Variants in XYLT1 observed in about 807,000 individuals in gnomAD.
XYLT1 encodes the protein beta-D-xylosyltransferase 1.
Under a neutral mutation model 91.3 loss-of-function variants are expected in XYLT1, and 36 were observed. The ratio of observed to expected loss-of-function variants is 0.39; its 90% CI spans 0.30 to 0.52. XYLT1 has a LOEUF of 0.52. Among genes scored for constraint, XYLT1 ranks in the 20% least tolerant of loss-of-function variants. The pLI is 0.68. For synonymous variants in XYLT1, 588 were observed against 532.0 expected (o/e 1.11, Z -1.45); for missense variants, 1,242 against 1,284.5 (o/e 0.97, Z 0.51).
intron 5 of XYLT1, among the ~76,000 whole-genome samples, chr16:17,175,233 A>T (rs1466321): frequency 0.25 from 37,814 of 152,048 alleles, 5,136 homozygotes; most frequent in South Asian, 0.47. Context: ...CCTAATCCTC[A>T]CAACCCCCCT....
At chr16:17,231,948 T>TA (rs916167765) in intron 3 of XYLT1, among the ~76,000 whole-genome samples, 32 of 151,312 alleles carry the variant, frequency 2.1e-4, no homozygotes, top group African/African-American at 7.5e-4. Flanking sequence ...ACTCAATTTA[T>TA]AAAAAAATAA....
At chr16:17,317,769 A>G (rs1368879324) in intron 2 of XYLT1, among the ~76,000 whole-genome samples, 1 of 151,238 alleles carries the variant, frequency 6.6e-6, no homozygotes, top group East Asian at 2.0e-4. Context: ...ATAGCCTATG[A>G]TGTCCTACAG....
chr16:17,129,076 A>G (rs1341094534), intron 9 of XYLT1, among the ~76,000 whole-genome samples: 265 of 107,826 alleles, frequency 2.5e-3, no homozygotes, highest in African/African-American at 8.4e-3. Flanking sequence ...AGCATAGAAA[A>G]AAAAAAAAAA....
chr16:17,294,762 CAAG>C (rs2034285129), intron 2 of XYLT1, among the ~76,000 whole-genome samples: 1 of 152,074 alleles, frequency 6.6e-6, no homozygotes, highest in Non-Finnish European at 1.5e-5. Context: ...CAGCTCTGGG[CAAG>C]AAGGATCTGA....
chr16:17,173,578 A>C (rs1240132071), intron 5 of XYLT1, among the ~76,000 whole-genome samples: 1 of 152,268 alleles, frequency 6.6e-6, no homozygotes, highest in East Asian at 1.9e-4. Flanking sequence ...ATAGTTGCTC[A>C]ATGCACACAG....
intron 1 of XYLT1, among the ~76,000 whole-genome samples, chr16:17,379,473 T>C (rs1195864348): frequency 3.9e-5 from 6 of 152,102 alleles, no homozygotes; most frequent in Non-Finnish European, 8.8e-5. Context: ...CAAACTGGAA[T>C]GGCATGAAAA....
intron 10 of XYLT1, among the ~76,000 whole-genome samples, chr16:17,119,565 C>T (rs542689027): frequency 6.6e-6 from 1 of 152,322 alleles, no homozygotes; most frequent in South Asian, 2.1e-4. Flanking sequence ...GCAAGAGGTA[C>T]TATGTCAGTC....
At position 17,121,025 on chromosome 16, in the gene XYLT1, G is replaced by A. The variant is rs766175272; in HGVS notation, c.2224-3046C>T. Among the ~76,000 whole-genome samples, 5 of 152,140 alleles carry A rather than the reference G, an allele frequency of 3.3e-5. No homozygotes were observed. In the South Asian group the frequency reaches 8.3e-4, roughly 25 times the overall value. On this transcript the variant is annotated intron_variant, in intron 10 of 11. Transcript: ENST00000261381. ...TCTGTCTGTCTGTTAATCAATCTAT[G>A]TATCACCTGTCTATCAATCTATCTT... is the stretch of plus-strand genomic sequence containing the variant.
intron 1 of XYLT1, 52 bp downstream of exon 1, chr16:17,470,382 G>A (rs1048568483): frequency 3.7e-5 from 45 of 1,214,516 alleles, no homozygotes; most frequent in Admixed American, 3.5e-4. Context: ...GTGGGGTCGG[G>A]CTGCCTTCCT....
chr16:17,356,430 G>A (rs1329562566), intron 2 of XYLT1, among the ~76,000 whole-genome samples: 1 of 152,134 alleles, frequency 6.6e-6, no homozygotes, highest in African/African-American at 2.4e-5. Flanking sequence ...CGCCTGGTCA[G>A]CCCTGGGGCC....
At chr16:17,353,912 G>A (rs1020852449) in intron 2 of XYLT1, among the ~76,000 whole-genome samples, 5 of 152,186 alleles carry the variant, frequency 3.3e-5, no homozygotes, top group African/African-American at 1.2e-4. Flanking sequence ...TGCTTCCTGT[G>A]TGACCCTGGG....
intron 3 of XYLT1, among the ~76,000 whole-genome samples, chr16:17,223,588 G>A (rs950804255): frequency 1.3e-5 from 2 of 152,250 alleles, no homozygotes; most frequent in Non-Finnish European, 2.9e-5. Flanking sequence ...AGAAGAGCAC[G>A]GTGACCTTGG....
intron 11 of XYLT1, among the ~76,000 whole-genome samples, chr16:17,114,282 G>T (rs1021802782): frequency 6.6e-6 from 1 of 152,218 alleles, no homozygotes; most frequent in Non-Finnish European, 1.5e-5. Context: ...CCCAAAGAGG[G>T]GGTTGTGGGA....
intron 6 of XYLT1, among the ~76,000 whole-genome samples, chr16:17,153,032 G>A (rs756628291): frequency 1.1e-3 from 166 of 152,080 alleles, no homozygotes; most frequent in Admixed American, 1.1e-3. Context: ...GAACATAAGA[G>A]TTATTGAACA....
At chr16:17,384,632 C>T (rs1747214591) in intron 1 of XYLT1, among the ~76,000 whole-genome samples, 1 of 151,792 alleles carries the variant, frequency 6.6e-6, no homozygotes, top group Non-Finnish European at 1.5e-5. Flanking sequence ...TGGGAGTGCC[C>T]AGTCCCCATG....
rs936727010 is a variant in XYLT1 at position 17,312,538 on chromosome 16, T to C, written c.402+45474A>G. 7.2e-5 allele frequency among the ~76,000 whole-genome samples: 11 copies of C among 152,226 alleles called. No homozygotes were observed. Among genetic ancestry groups the C allele is most frequent in the Non-Finnish European group, 2.9e-5 (2 of 68,036 alleles). On this transcript the variant is annotated intron_variant, in intron 2 of 11. Transcript: ENST00000261381. This position sits in a 1 kb window ranked among gnomAD's most constrained non-coding sequence, Gnocchi z 4.4. ...AGAGTTCTGCACTCCCTCACCCAGCTTCCCCCAATGGTGACATCTTATGTA... is the reference window on the plus strand; with the variant it reads ...AGAGTTCTGCACTCCCTCACCCAGCCTCCCCCAATGGTGACATCTTATGTA...
intron 3 of XYLT1, among the ~76,000 whole-genome samples, chr16:17,256,524 G>A (rs956874014): frequency 1.1e-4 from 16 of 151,900 alleles, no homozygotes; most frequent in South Asian, 8.3e-4. Flanking sequence ...GATGGCGGGC[G>A]CCTGTAATCC....
chr16:17,241,741 A>G (rs1017412545), intron 3 of XYLT1, among the ~76,000 whole-genome samples: 4 of 152,174 alleles, frequency 2.6e-5, no homozygotes, highest in Non-Finnish European at 5.9e-5. Context: ...TAGGGGATAC[A>G]GTGTGGGGAA....
intron 1 of XYLT1, 112 bp downstream of exon 1, chr16:17,470,322 T>C: frequency 1.7e-6 from 2 of 1,165,890 alleles, no homozygotes; most frequent in Non-Finnish European, 2.1e-6. Flanking sequence ...GTGGAGTCGG[T>C]AGGCTTGCAG....
Sources: gnomAD v4.1 joint callset for allele counts (sites outside exome capture counted in the v4.1 genomes callset) on GRCh38, gnomAD v4.1.1 for gene constraint, Gnocchi (gnomAD v3.1) non-coding constraint, MANE v1.5 for transcripts, NCBI Gene and HGNC (gene_info 2026-07-23, HGNC 2026-07-21) for gene names.